PIK3CG: variants seen among roughly 807,000 people sequenced by gnomAD.
PIK3CG encodes phosphatidylinositol-4,5-bisphosphate 3-kinase catalytic subunit gamma.
A neutral mutation model predicts 102.3 loss-of-function variants in PIK3CG; 55 were observed. The ratio of observed to expected loss-of-function variants is 0.54; its 90% CI spans 0.43 to 0.67. The LOEUF is 0.67. Ranked by LOEUF, PIK3CG falls within the 30% of genes least tolerant of loss-of-function variation. The pLI is 0.00. For missense variants in PIK3CG, 1,258 were observed against 1,391.8 expected (o/e 0.90, Z 1.53); for synonymous variants, 552 against 540.0 (o/e 1.02, Z -0.31).
Position 106,907,754 on chromosome 7 carries a change from AATATATATATAACATATATATGCTAAT to A in PIK3CG, c.*2378_*2404del, listed in dbSNP as rs1791724683. Among the ~76,000 whole-genome samples, 1 of 143,444 alleles carries A rather than the reference AATATATATATAACATATATATGCTAAT, an allele frequency of 7.0e-6. No homozygotes were observed. Among genetic ancestry groups the A allele is most frequent in the South Asian group, 2.2e-4 (1 of 4,520 alleles). 94.1% of individuals were successfully genotyped at this position (143,444 alleles called of 152,430 possible). A position where few individuals can be genotyped will look rare whatever the true frequency, so the allele number is the denominator to read the frequency against. ...TATATATATATAACATATATATGCT[AATATATATATAACATATATATGCTAAT>A]ATATATATATCACACATATATATCA... On this transcript the variant is annotated 3_prime_UTR_variant, in exon 11 of 11. Coordinates refer to ENST00000496166, the MANE Select transcript of PIK3CG (RefSeq NM_001282426.2).
Position 106,870,715 on chromosome 7 carries a change from A to G in PIK3CG, c.1995+1159A>G, listed in dbSNP as rs573597312. 2.2e-4 allele frequency among the ~76,000 whole-genome samples: 33 copies of G among 152,302 alleles called. No individual in the cohort carries two copies. In the South Asian group the frequency reaches 6.6e-3, roughly 31 times the overall value. ...TTACACACTAAACTATCTAATCACTATCCGTATTTATAGGAAGTTCTGGAG... is the reference window on the plus strand; with the variant it reads ...TTACACACTAAACTATCTAATCACTGTCCGTATTTATAGGAAGTTCTGGAG... On this transcript the variant is annotated intron_variant, in intron 2 of 10. Coordinates refer to ENST00000496166, the MANE Select transcript of PIK3CG (RefSeq NM_001282426.2).
chr7:106,900,605 T>G (rs1456764316), intron 10 of PIK3CG, among the ~76,000 whole-genome samples: 1 of 152,246 alleles, frequency 6.6e-6, no homozygotes, highest in African/African-American at 2.4e-5. Context: ...CATTGTGCTA[T>G]TAGCCGGTTA....
chr7:106,886,352 A>C (rs1584337286), intron 10 of PIK3CG, 60 bp downstream of exon 10: 1 of 1,565,080 alleles, frequency 6.4e-7, no homozygotes, highest in Non-Finnish European at 8.8e-7. Context: ...TTCCTGCAGC[A>C]CTCCGCAGCC....
rs750304998 is a variant in PIK3CG at position 106,880,926 on chromosome 7, T to G, written c.2539-1191T>G. Among the ~76,000 whole-genome samples the G allele has an allele frequency of 4.6e-5, 7 of 152,130 alleles. No homozygotes were observed. The highest frequency in any genetic ancestry group is 2.6e-4 in the Admixed American group (4 of 15,270). ...CCTTGGCTCAATGAATCCTCCCACC[T>G]CAGCCTCCCACACAACTTTCACAGT... On this transcript the variant is annotated intron_variant, in intron 6 of 10. Coordinates refer to ENST00000496166, the MANE Select transcript of PIK3CG (RefSeq NM_001282426.2). The surrounding 1 kb of genome is among the most constrained non-coding windows in gnomAD (Gnocchi z 4.2).
Position 106,869,998 on chromosome 7 carries a change from A to T in PIK3CG, c.1995+442A>T, listed in dbSNP as rs909345113. On this transcript the variant is annotated intron_variant, in intron 2 of 10. Coordinates refer to ENST00000496166, the MANE Select transcript of PIK3CG (RefSeq NM_001282426.2). The surrounding 1 kb of genome is among the most constrained non-coding windows in gnomAD (Gnocchi z 5.3). Reference sequence around the variant, plus strand: ...AACTGAGGTACAAAGAGGCTAAGTAATGTGCCCAAGGTCACATACTTTGAA... The same window carrying T: ...AACTGAGGTACAAAGAGGCTAAGTATTGTGCCCAAGGTCACATACTTTGAA... Among the ~76,000 whole-genome samples, 10 of 152,210 alleles carry T rather than the reference A, an allele frequency of 6.6e-5. No homozygotes were observed. In the East Asian group the frequency reaches 1.9e-3, roughly 29 times the overall value.
At position 106,879,467 on chromosome 7, in the gene PIK3CG, T is replaced by C. The variant is rs1204786498; in HGVS notation, c.2392-52T>C. On this transcript the variant is annotated intron_variant, in intron 5 of 10. Coordinates refer to ENST00000496166, the MANE Select transcript of PIK3CG (RefSeq NM_001282426.2). The surrounding 1 kb of genome is among the most constrained non-coding windows in gnomAD (Gnocchi z 4.9). ...TGCAAGAGAATTTGTGTCTCCACCA[T>C]GTATATTCGTTATTCATTGTGTGTG... is the stretch of plus-strand genomic sequence containing the variant. The C allele has an allele frequency of 9.2e-6, 13 of 1,414,224 alleles. No homozygotes were observed. The East Asian group carries it at 2.1e-4, about 22-fold the overall frequency. 87.6% of individuals were successfully genotyped at this position (1,414,224 alleles called of 1,614,324 possible).
intron 2 of PIK3CG, among the ~76,000 whole-genome samples, chr7:106,870,401 C>G (rs1790493098): frequency 6.6e-6 from 1 of 152,116 alleles, no homozygotes; most frequent in African/African-American, 2.4e-5. Flanking sequence ...TATTGTACTG[C>G]TTGACAAGGG....
chr7:106,886,960 C>T (rs1366629231), intron 10 of PIK3CG, among the ~76,000 whole-genome samples: 1 of 151,602 alleles, frequency 6.6e-6, no homozygotes, highest in Admixed American at 6.6e-5. Flanking sequence ...TCTTGGGCAA[C>T]ACATAAAATA....
At chr7:106,888,229 G>C (rs1029429084) in intron 10 of PIK3CG, among the ~76,000 whole-genome samples, 1 of 151,976 alleles carries the variant, frequency 6.6e-6, no homozygotes, top group Non-Finnish European at 1.5e-5. Flanking sequence ...GTGAGCCACT[G>C]TGCCCAGCCG....
In PIK3CG at chr7:106,906,054, A is replaced by T. The variant is rs541971513; in HGVS notation, c.*667A>T. The T allele has an allele frequency of 1.8e-5, 4 of 226,576 alleles. No homozygotes were observed. Among genetic ancestry groups the T allele is most frequent in the South Asian group, 3.7e-4 (2 of 5,384 alleles). 14.0% of individuals were successfully genotyped at this position (226,576 alleles called of 1,614,324 possible). A position where few individuals can be genotyped will look rare whatever the true frequency, so the allele number is the denominator to read the frequency against. The stretch of plus-strand genomic sequence containing the variant: ...GGGTTATGAATATGAAAAAATAGAG[A>T]TGAGACTTTTTGTGTCAACTCTGTC... On this transcript the variant is annotated 3_prime_UTR_variant, in exon 11 of 11. Transcript: ENST00000496166.
Position 106,895,048 on chromosome 7 carries a change from T to A in PIK3CG, c.3030+8756T>A, listed in dbSNP as rs1348512122. 6.6e-6 allele frequency among the ~76,000 whole-genome samples: 1 copy of A among 152,236 alleles called. No homozygotes were observed. Among genetic ancestry groups the A allele is most frequent in the Non-Finnish European group, 1.5e-5 (1 of 68,032 alleles). On this transcript the variant is annotated intron_variant, in intron 10 of 10. Transcript: ENST00000496166. This position sits in a 1 kb window ranked among gnomAD's most constrained non-coding sequence, Gnocchi z 5.4. ...ACAATGAAATTGAGAGCAGATGTAC[T>A]ACGTAGGCTCAATCTATTTATTAGC...
At position 106,867,839 on chromosome 7, in the gene PIK3CG, C is replaced by T. The variant is rs2116423305; in HGVS notation, c.278C>T (p.Pro93Leu). 2 of 1,612,594 alleles carry T rather than the reference C, an allele frequency of 1.2e-6. No individual in the cohort carries two copies. Among genetic ancestry groups the T allele is most frequent in the Non-Finnish European group, 1.7e-6 (2 of 1,179,974 alleles). ...GCGGACTTCTACCACCGGCTGGGAC[C>T]GCATCACTTCCTCCTGCTCTATCAG... ...VAADFYHRLG[P>L]HHFLLLYQKK... is the part of the protein sequence containing the mutation. Residue 93 changes from proline to leucine, a missense_variant, in exon 2 of 11, where the codon CCG (proline) becomes CTG (leucine). Coordinates refer to ENST00000496166, the MANE Select transcript of PIK3CG (RefSeq NM_001282426.2). This position sits in a 1 kb window ranked among gnomAD's most constrained non-coding sequence, Gnocchi z 5.1.
At chr7:106,876,455 G>A (rs534185853) in intron 5 of PIK3CG, among the ~76,000 whole-genome samples, 10 of 148,524 alleles carry the variant, frequency 6.7e-5, no homozygotes, top group South Asian at 2.1e-4. Flanking sequence ...GCAGAGGCAC[G>A]ATCTCGGCTC....
rs11766675 is a variant in PIK3CG, at chr7:106,907,908, A to G, written c.*2521A>G. Reference sequence around the variant, plus strand: ...TTCCAAAGAGCATAATTTCAGTTCTATAGACTTATAGATAAATAAAAATCA... The same window carrying G: ...TTCCAAAGAGCATAATTTCAGTTCTGTAGACTTATAGATAAATAAAAATCA... On this transcript the variant is annotated 3_prime_UTR_variant, in exon 11 of 11. Transcript: ENST00000496166. Among the ~76,000 whole-genome samples the G allele has an allele frequency of 0.15, 22,295 of 151,158 alleles. 2,149 individuals carry two copies. Among genetic ancestry groups the G allele is most frequent in the Non-Finnish European group, 0.21 (14,427 of 67,820 alleles).
Position 106,869,074 on chromosome 7 carries a change from G to A in PIK3CG, c.1513G>A (p.Ala505Thr), listed in dbSNP as rs2116457126. The change falls in exon 2 of 11, where the codon GCA (alanine) becomes ACA (threonine). Residue 505 changes from alanine (A) to threonine (T), a missense_variant. This residue lies in a region of PIK3CG where 832 missense variants were observed against 787.5 expected (regional missense o/e 1.06). Transcript: ENST00000496166. This position sits in a 1 kb window ranked among gnomAD's most constrained non-coding sequence, Gnocchi z 5.3. ...GSFNADKLTS[A>T]TNPDKENSMS... ...CTTCAATGCTGACAAACTCACGTCT[G>A]CAACTAACCCAGACAAGGAGAACTC... 1 of 1,614,204 alleles carries A rather than the reference G, an allele frequency of 6.2e-7. No homozygotes were observed. Among genetic ancestry groups the A allele is most frequent in the Non-Finnish European group, 8.5e-7 (1 of 1,180,040 alleles).
chr7:106,901,723 G>A (rs957290522), intron 10 of PIK3CG, among the ~76,000 whole-genome samples: 2 of 152,210 alleles, frequency 1.3e-5, no homozygotes, highest in African/African-American at 4.8e-5. Context: ...ATTGAGAACA[G>A]TCAACAGAAT....
At chr7:106,870,463 A>C (rs1031974343) in intron 2 of PIK3CG, among the ~76,000 whole-genome samples, 1 of 152,242 alleles carries the variant, frequency 6.6e-6, no homozygotes, top group African/African-American at 2.4e-5. Flanking sequence ...CACAGCCTTC[A>C]TTCATTAATT....
intron 4 of PIK3CG, 103 bp downstream of exon 4, chr7:106,873,041 C>T (rs1307940528): frequency 2.5e-6 from 2 of 795,688 alleles, no homozygotes; most frequent in Non-Finnish European, 4.1e-6. Context: ...GTTGCATCCT[C>T]CTGAAGGCAC....
At chr7:106,904,551 T>C (rs1241865444) in intron 10 of PIK3CG, among the ~76,000 whole-genome samples, 2 of 152,180 alleles carry the variant, frequency 1.3e-5, no homozygotes. Context: ...TCTCTCTCAC[T>C]CAGTGTTCAG....
Sources: allele counts gnomAD v4.1 joint callset (sites outside exome capture counted in the v4.1 genomes callset), GRCh38; gene constraint gnomAD v4.1.1; regional missense constraint gnomAD v4.1.1; non-coding constraint Gnocchi (gnomAD v3.1); transcripts MANE v1.5; gene names NCBI Gene and HGNC (gene_info 2026-07-23, HGNC 2026-07-21).